Variants in AJAP1 observed in about 807,000 individuals in gnomAD.
The protein encoded by AJAP1 is adherens junction-associated protein 1.
A neutral mutation model predicts 35.0 loss-of-function variants in AJAP1; 5 were observed. The ratio of observed to expected loss-of-function variants is 0.14; its 90% CI spans 0.07 to 0.30. The LOEUF is 0.30. Among genes scored for constraint, AJAP1 ranks in the 10% least tolerant of loss-of-function variants. AJAP1 has a pLI of 1.00. For missense variants in AJAP1, 586 were observed against 571.0 expected (o/e 1.03, Z -0.27); for synonymous variants, 284 against 249.3 (o/e 1.14, Z -1.31).
At position 4,655,529 on chromosome 1, in the gene AJAP1, AT is replaced by A; in HGVS notation, c.29+76del. On this transcript the variant is annotated intron_variant, in intron 1 of 5. Coordinates refer to ENST00000378191, the MANE Select transcript of AJAP1 (RefSeq NM_018836.4). This position sits in a 1 kb window ranked among gnomAD's most constrained non-coding sequence, Gnocchi z 6.9. ...CTGGGCGGAAGCGGCGCTTTCCTCT[AT>A]GTTGCAAATCAAGGGACCCCTCTTC... The A allele has an allele frequency of 7.3e-6, 11 of 1,505,714 alleles. No homozygotes were observed. Among genetic ancestry groups the A allele is most frequent in the Non-Finnish European group, 9.9e-6 (11 of 1,113,502 alleles). The allele number at this position is 1,505,714 out of a possible 1,614,324, so 93.3% of individuals were successfully genotyped here.
intron 2 of AJAP1, among the ~76,000 whole-genome samples, chr1:4,730,036 C>A (rs1640762833): frequency 6.6e-6 from 1 of 152,174 alleles, no homozygotes; most frequent in Non-Finnish European, 1.5e-5. Context: ...CCCCACGCAA[C>A]CCCAGAAGAG....
At chr1:4,702,241 G>C (rs1557615698) in intron 1 of AJAP1, among the ~76,000 whole-genome samples, 1 of 152,190 alleles carries the variant, frequency 6.6e-6, no homozygotes, top group Non-Finnish European at 1.5e-5. Context: ...TTGGGACCTC[G>C]TTCCTGAGCA....
rs952425032 is a variant in AJAP1, at chr1:4,791,596, C to T, written c.*9111C>T. The stretch of plus-strand genomic sequence containing the variant: ...GTCATGCACTAAACTTCCCATTGAT[C>T]ATTAGAGTGTCTACGATTAAGTGGA... On this transcript the variant is annotated 3_prime_UTR_variant, in exon 6 of 6. Transcript: ENST00000378191. 1 of 152,220 alleles carries T rather than the reference C, an allele frequency of 6.6e-6. No homozygotes were observed. The allele number at this position is 152,220 out of a possible 1,614,324, so 9.4% of individuals were successfully genotyped here. A position where few individuals can be genotyped will look rare whatever the true frequency, so the allele number is the denominator to read the frequency against.
rs1400140560 is a variant in AJAP1, at chr1:4,656,160, G to A, written c.29+706G>A. Among the ~76,000 whole-genome samples the A allele has an allele frequency of 6.6e-6, 1 of 152,148 alleles. No homozygotes were observed. Among genetic ancestry groups the A allele is most frequent in the East Asian group, 1.9e-4 (1 of 5,152 alleles). On this transcript the variant is annotated intron_variant, in intron 1 of 5. Coordinates refer to ENST00000378191, the MANE Select transcript of AJAP1 (RefSeq NM_018836.4). This position sits in a 1 kb window ranked among gnomAD's most constrained non-coding sequence, Gnocchi z 5.7. ...GCGCCCGGGGCTTGTCTGTGTCTGGGACTCCAGGGCCAGATGGAAGAGGGG... is the reference window on the plus strand; with the variant it reads ...GCGCCCGGGGCTTGTCTGTGTCTGGAACTCCAGGGCCAGATGGAAGAGGGG...
intron 1 of AJAP1, among the ~76,000 whole-genome samples, chr1:4,703,223 T>C (rs1457497619): frequency 3.3e-5 from 5 of 152,186 alleles, no homozygotes; most frequent in African/African-American, 1.2e-4. Context: ...CGGCTTAATG[T>C]GTTTTCATTA....
intron 2 of AJAP1, among the ~76,000 whole-genome samples, chr1:4,726,074 G>C (rs1640649491): frequency 6.6e-6 from 1 of 152,206 alleles, no homozygotes. Context: ...GGCCCCAGGA[G>C]ACCTGGAGTC....
chr1:4,742,428 T>C (rs1247810287), intron 2 of AJAP1, among the ~76,000 whole-genome samples: 1 of 152,142 alleles, frequency 6.6e-6, no homozygotes, highest in African/African-American at 2.4e-5. Context: ...GCCAAGGTCA[T>C]GAAAGTCTAG....
At chr1:4,664,280 A>G (rs1011779011) in intron 1 of AJAP1, among the ~76,000 whole-genome samples, 1 of 152,246 alleles carries the variant, frequency 6.6e-6, no homozygotes, top group Non-Finnish European at 1.5e-5. Flanking sequence ...GGAATACAGC[A>G]TCCACCAGGC....
In AJAP1 at chr1:4,712,337, A is replaced by G. The variant is rs1455277614; in HGVS notation, c.467A>G (p.Lys156Arg). Residue 156 changes from lysine (K) to arginine (R), a missense_variant, in exon 2 of 6, where the codon AAG becomes AGG. Coordinates refer to ENST00000378191, the MANE Select transcript of AJAP1 (RefSeq NM_018836.4). ...CAGCAGGCCCTCCTGAGGAGGGGCAAGAGGCACCTGCAGGGGGACGGTCTC... is the reference window on the plus strand; with the variant it reads ...CAGCAGGCCCTCCTGAGGAGGGGCAGGAGGCACCTGCAGGGGGACGGTCTC... ...PEQQALLRRG[K>R]RHLQGDGLSS... The G allele has an allele frequency of 2.7e-6, 4 of 1,496,286 alleles. No homozygotes were observed. The highest frequency in any genetic ancestry group is 1.4e-5 in the African/African-American group (1 of 71,620). 92.7% of individuals were successfully genotyped at this position (1,496,286 alleles called of 1,614,324 possible). A position where few individuals can be genotyped will look rare whatever the true frequency, so the allele number is the denominator to read the frequency against.
Position 4,769,774 on chromosome 1 carries a change from C to T in AJAP1, c.830-79C>T, listed in dbSNP as rs184473115. The T allele has an allele frequency of 2.2e-5, 27 of 1,243,566 alleles. No homozygotes were observed. In the East Asian group the frequency reaches 5.3e-4, roughly 25 times the overall value. The allele number at this position is 1,243,566 out of a possible 1,614,324, so 77.0% of individuals were successfully genotyped here. ...CATCCCCAGCTGGGTTGGGGGGATG[C>T]ACCTCCACCTTTCCCGGCCCCCCTC... On this transcript the variant is annotated intron_variant, in intron 2 of 5. Transcript: ENST00000378191.
rs1642089679 is a variant in AJAP1, at chr1:4,782,784, G to C, written c.*299G>C. ...AACAGAAAGAAGAAAGGAAAGAAAG[G>C]AACCAGAGGCAGAGAGACGAGGATA... On this transcript the variant is annotated 3_prime_UTR_variant, in exon 6 of 6. Coordinates refer to ENST00000378191, the MANE Select transcript of AJAP1 (RefSeq NM_018836.4). The surrounding 1 kb of genome is among the most constrained non-coding windows in gnomAD (Gnocchi z 5.3). 1 of 398,492 alleles carries C rather than the reference G, an allele frequency of 2.5e-6. No homozygotes were observed. Among genetic ancestry groups the C allele is most frequent in the African/African-American group, 2.1e-5 (1 of 48,608 alleles). The allele number at this position is 398,492 out of a possible 1,614,324, so 24.7% of individuals were successfully genotyped here.
At chr1:4,779,902 T>G (rs1452746652) in intron 5 of AJAP1, among the ~76,000 whole-genome samples, 6 of 152,060 alleles carry the variant, frequency 3.9e-5, no homozygotes, top group African/African-American at 9.7e-5. Flanking sequence ...CCCAGCACTT[T>G]GGGAGGCTGA....
At chr1:4,717,840 C>G (rs961587051) in intron 2 of AJAP1, among the ~76,000 whole-genome samples, 1 of 152,164 alleles carries the variant, frequency 6.6e-6, no homozygotes, top group Non-Finnish European at 1.5e-5. Context: ...CATCCTCTTC[C>G]CCTTTGGTTG....
rs1639587041 is a variant in AJAP1 at position 4,685,612 on chromosome 1, G to C, written c.30-26288G>C. On this transcript the variant is annotated intron_variant, in intron 1 of 5. Coordinates refer to ENST00000378191, the MANE Select transcript of AJAP1 (RefSeq NM_018836.4). The stretch of plus-strand genomic sequence containing the variant: ...ACCCAGCGCAGTGTCTTGTTTTCCA[G>C]CTGCTGCTGGAGGAGCTCATTGCCG... Among the ~76,000 whole-genome samples the C allele has an allele frequency of 2.6e-5, 4 of 152,050 alleles. No homozygotes were observed. The South Asian group carries it at 6.2e-4, about 24-fold the overall frequency.
At chr1:4,663,709 C>G (rs1639053360) in intron 1 of AJAP1, among the ~76,000 whole-genome samples, 1 of 29,166 alleles carries the variant, frequency 3.4e-5, no homozygotes, top group South Asian at 6.4e-4. Context: ...CTGCCCAGAC[C>G]TAGGGGTGGG....
At chr1:4,704,621 G>C (rs1640061156) in intron 1 of AJAP1, among the ~76,000 whole-genome samples, 1 of 152,086 alleles carries the variant, frequency 6.6e-6, no homozygotes, top group African/African-American at 2.4e-5. Context: ...AAACATACGT[G>C]TGCATGTGTC....
At chr1:4,754,378 A>G (rs936848330) in intron 2 of AJAP1, among the ~76,000 whole-genome samples, 2 of 152,128 alleles carry the variant, frequency 1.3e-5, no homozygotes, top group Non-Finnish European at 2.9e-5. Flanking sequence ...AAAGTTTGCC[A>G]ATTCTTGCTC....
At chr1:4,673,225 G>A (rs766813241) in intron 1 of AJAP1, among the ~76,000 whole-genome samples, 14 of 152,282 alleles carry the variant, frequency 9.2e-5, no homozygotes, top group Non-Finnish European at 1.6e-4. Context: ...GGGGTTGGGG[G>A]GGTGTTTACA....
intron 4 of AJAP1, among the ~76,000 whole-genome samples, chr1:4,773,623 C>T (rs961277384): frequency 2.6e-5 from 4 of 152,214 alleles, no homozygotes; most frequent in Non-Finnish European, 5.9e-5. Flanking sequence ...GTTTTACACT[C>T]AGACATTTGG....
Sources: gnomAD v4.1 joint callset for allele counts (sites outside exome capture counted in the v4.1 genomes callset) on GRCh38, gnomAD v4.1.1 for gene constraint, Gnocchi (gnomAD v3.1) non-coding constraint, MANE v1.5 for transcripts, NCBI Gene and HGNC (gene_info 2026-07-23, HGNC 2026-07-21) for gene names.